Variants in SLC6A19 observed in about 807,000 individuals in gnomAD.
SLC6A19 encodes the protein solute carrier family 6 member 19.
In SLC6A19, 67 loss-of-function variants were observed where a neutral mutation model predicts 68.3. That is an observed-to-expected ratio of 0.98 (90% CI 0.81 to 1.20). SLC6A19 has a LOEUF of 1.20. SLC6A19 is among the 50% of genes most tolerant of loss of function. The pLI, the probability that SLC6A19 is intolerant of heterozygous loss-of-function variation, is 0.00. For missense variants in SLC6A19, 813 were observed against 851.6 expected, an observed-to-expected ratio of 0.95 and a Z score of 0.56; for synonymous variants, 392 against 374.9, an observed-to-expected ratio of 1.05 and a Z score of -0.53.
Position 1,216,925 on chromosome 5 carries a change from A to T in SLC6A19, c.1153A>T (p.Ile385Phe). ...GCAGCTGGTGTTCCAGACCTGCGACATCAACGCCTTCCTCTCAGAGGTAGG... is the reference window on the plus strand; with the variant it reads ...GCAGCTGGTGTTCCAGACCTGCGACTTCAACGCCTTCCTCTCAGAGGTAGG... ...YAQLVFQTCD[I>F]NAFLSEAVEG... Residue 385 changes from isoleucine (I) to phenylalanine (F), a missense_variant, in exon 8 of 12, where the codon ATC becomes TTC. Ile to Phe is a conservative substitution (Grantham distance 21). Coordinates refer to ENST00000304460, the MANE Select transcript of SLC6A19 (RefSeq NM_001003841.3). The T allele has an allele frequency of 6.2e-7, 1 of 1,613,192 alleles. No homozygotes were observed. Among genetic ancestry groups the T allele is most frequent in the Non-Finnish European group, 8.5e-7 (1 of 1,180,028 alleles).
At chr5:1,218,670 C>T (rs1030104785) in intron 8 of SLC6A19, among the ~76,000 whole-genome samples, 9 of 152,204 alleles carry the variant, frequency 5.9e-5, no homozygotes, top group Admixed American at 3.9e-4. Flanking sequence ...CGTCTGTGGG[C>T]GGAACGGGGC....
At position 1,222,808 on chromosome 5, in the gene SLC6A19, G is replaced by A. The variant is rs1746433613; in HGVS notation, c.*904G>A. 1.3e-5 allele frequency: 2 copies of A among 152,672 alleles called. No homozygotes were observed. Among genetic ancestry groups the A allele is most frequent in the Non-Finnish European group, 2.9e-5 (2 of 68,376 alleles). 9.5% of individuals were successfully genotyped at this position (152,672 alleles called of 1,614,324 possible). ...GTGTTTGTCCTTGCCACAGTCACGG[G>A]GTGCATGTGCAGAGGGGAGCAGACC... On this transcript the variant is annotated 3_prime_UTR_variant, in exon 12 of 12. Transcript: ENST00000304460.
At chr5:1,202,242 G>A (rs1286713288) in intron 1 of SLC6A19, among the ~76,000 whole-genome samples, 4 of 152,216 alleles carry the variant, frequency 2.6e-5, no homozygotes, top group South Asian at 2.1e-4. Flanking sequence ...CCCCACAGGC[G>A]GACACCTGCC....
At chr5:1,211,670 G>C (rs964151735) in intron 3 of SLC6A19, among the ~76,000 whole-genome samples, 4 of 152,054 alleles carry the variant, frequency 2.6e-5, no homozygotes, top group African/African-American at 9.7e-5. Flanking sequence ...GTGTGCACGT[G>C]AGCATGTGTG....
In SLC6A19 at chr5:1,212,197, G is replaced by A. The variant is rs1168983452; in HGVS notation, c.482-106G>A. 1.4e-6 allele frequency: 2 copies of A among 1,427,230 alleles called. No individual in the cohort carries two copies. The highest frequency in any genetic ancestry group is 2.3e-5 in the East Asian group (1 of 43,482). 88.4% of individuals were successfully genotyped at this position (1,427,230 alleles called of 1,614,324 possible). A position where few individuals can be genotyped will look rare whatever the true frequency, so the allele number is the denominator to read the frequency against. ...GTGCACGTGTGGGCGTGTCACTGGTGTCAAGGCCTCTGGAACGTGGCTGGC... is the reference window on the plus strand; with the variant it reads ...GTGCACGTGTGGGCGTGTCACTGGTATCAAGGCCTCTGGAACGTGGCTGGC... On this transcript the variant is annotated intron_variant, in intron 3 of 11. Transcript: ENST00000304460. This position sits in a 1 kb window ranked among gnomAD's most constrained non-coding sequence, Gnocchi z 5.1.
chr5:1,204,786 G>C (rs1174778838), intron 1 of SLC6A19, among the ~76,000 whole-genome samples: 3 of 152,252 alleles, frequency 2.0e-5, no homozygotes, highest in Non-Finnish European at 2.9e-5. Flanking sequence ...GCTGTTTCCA[G>C]CTGTCTCTTC....
rs758581709 is a variant in SLC6A19 at position 1,216,870 on chromosome 5, G to A, written c.1098G>A (p.Arg366=). The part of the protein sequence containing the change: ...TQENFVDMQQ[R]CNASDPAAYA... The stretch of plus-strand genomic sequence containing the variant: ...AGAACTTTGTGGACATGCAGCAGCG[G>A]TGCAACGCCTCCGACCCCGCGGCCT... Residue 366 remains arginine, a synonymous_variant, in exon 8 of 12, where the codon CGG becomes CGA. Transcript: ENST00000304460. 3.1e-6 allele frequency: 5 copies of A among 1,613,756 alleles called. No individual in the cohort carries two copies. The highest frequency in any genetic ancestry group is 4.2e-6 in the Non-Finnish European group (5 of 1,180,044).
In SLC6A19 at chr5:1,212,803, G is replaced by A. The variant is rs1425763268; in HGVS notation, c.663+319G>A. Among the ~76,000 whole-genome samples, 1 of 152,082 alleles carries A rather than the reference G, an allele frequency of 6.6e-6. No individual in the cohort carries two copies. The highest frequency in any genetic ancestry group is 2.4e-5 in the African/African-American group (1 of 41,370). On this transcript the variant is annotated intron_variant, in intron 4 of 11. Transcript: ENST00000304460. The surrounding 1 kb of genome is among the most constrained non-coding windows in gnomAD (Gnocchi z 5.1). ...GATGATGATGATGATGGTGATGATG[G>A]TGATGATAAAACAGGAAAGTGGAAA...
At chr5:1,202,028 C>CTA (rs1037403187) in intron 1 of SLC6A19, among the ~76,000 whole-genome samples, 176 bp downstream of exon 1, 3 of 152,214 alleles carry the variant, frequency 2.0e-5, no homozygotes, top group Non-Finnish European at 2.9e-5. Flanking sequence ...TGCCCGGTTC[C>CTA]TAGGCTGCTG....
In SLC6A19 at chr5:1,217,770, C is replaced by T. The variant is rs1328586394; in HGVS notation, c.1173+825C>T. Among the ~76,000 whole-genome samples the T allele has an allele frequency of 3.9e-5, 6 of 152,250 alleles. No individual in the cohort carries two copies. The East Asian group carries it at 7.7e-4, about 20-fold the overall frequency. Reference sequence around the variant, plus strand: ...AGTTATAATTATGCACCATGAAATTCGCCCACTTCCAGTGCCTTGCACAGC... The same window carrying T: ...AGTTATAATTATGCACCATGAAATTTGCCCACTTCCAGTGCCTTGCACAGC... On this transcript the variant is annotated intron_variant, in intron 8 of 11. Transcript: ENST00000304460.
intron 1 of SLC6A19, among the ~76,000 whole-genome samples, chr5:1,204,258 C>A (rs1433854316): frequency 6.6e-6 from 1 of 152,222 alleles, no homozygotes; most frequent in African/African-American, 2.4e-5. Flanking sequence ...CAGATTTTGC[C>A]CTCCTTGGAG....
rs1355685063 is a variant in SLC6A19, at chr5:1,212,650, G to C, written c.663+166G>C. Among the ~76,000 whole-genome samples, 1 of 152,120 alleles carries C rather than the reference G, an allele frequency of 6.6e-6. No homozygotes were observed. Among genetic ancestry groups the C allele is most frequent in the East Asian group, 1.9e-4 (1 of 5,178 alleles). On this transcript the variant is annotated intron_variant, in intron 4 of 11. Coordinates refer to ENST00000304460, the MANE Select transcript of SLC6A19 (RefSeq NM_001003841.3). The surrounding 1 kb of genome is among the most constrained non-coding windows in gnomAD (Gnocchi z 5.1). ...TTTGCCCTTAGGCTCACTGGCCTGGGCGGGAGGGGCCCTGCCTGCCCCAGG... is the reference window on the plus strand; with the variant it reads ...TTTGCCCTTAGGCTCACTGGCCTGGCCGGGAGGGGCCCTGCCTGCCCCAGG...
At chr5:1,207,445 G>A (rs527513238) in intron 1 of SLC6A19, among the ~76,000 whole-genome samples, 9 of 152,364 alleles carry the variant, frequency 5.9e-5, no homozygotes, top group South Asian at 2.1e-4. Flanking sequence ...GCTGGCTGCC[G>A]CTGAGCTCTG....
intron 1 of SLC6A19, among the ~76,000 whole-genome samples, chr5:1,207,026 C>T (rs577295482): frequency 9.8e-5 from 15 of 152,344 alleles, no homozygotes; most frequent in East Asian, 9.6e-4. Context: ...CTGGGGCAGG[C>T]GCGACGGGAG....
rs540444084 is a variant in SLC6A19 at position 1,222,513 on chromosome 5, A to T, written c.*609A>T. 2 of 414,360 alleles carry T rather than the reference A, an allele frequency of 4.8e-6. No homozygotes were observed. The highest frequency in any genetic ancestry group is 4.0e-5 in the African/African-American group (2 of 49,742). 25.7% of individuals were successfully genotyped at this position (414,360 alleles called of 1,614,324 possible). Reference sequence around the variant, plus strand: ...ACATGTATGCCTGTGTGACGTGTGTATATGTGAGCATGTGTACGTGTGTGT... The same window carrying T: ...ACATGTATGCCTGTGTGACGTGTGTTTATGTGAGCATGTGTACGTGTGTGT... On this transcript the variant is annotated 3_prime_UTR_variant, in exon 12 of 12. Transcript: ENST00000304460.
chr5:1,204,134 G>A (rs13160760), intron 1 of SLC6A19, among the ~76,000 whole-genome samples: 4,875 of 152,314 alleles, frequency 0.032, 123 homozygotes, highest in Non-Finnish European at 0.046. Context: ...CAAATCGAGG[G>A]GAAGCAGGCA....
Position 1,216,695 on chromosome 5 carries a change from C to G in SLC6A19, c.1016+9C>G. 1 of 1,613,762 alleles carries G rather than the reference C, an allele frequency of 6.2e-7. No homozygotes were observed. The highest frequency in any genetic ancestry group is 8.5e-7 in the Non-Finnish European group (1 of 1,180,034). On this transcript the variant is annotated intron_variant, in intron 7 of 11. Coordinates refer to ENST00000304460, the MANE Select transcript of SLC6A19 (RefSeq NM_001003841.3). ...GACGACTGCTTCAGCACGTGAGTGG[C>G]TGTCCCACCATCCTGGTGCCTTGGG... is the stretch of plus-strand genomic sequence containing the variant.
chr5:1,214,738 T>C lies in SLC6A19; in HGVS notation c.887+673T>C, dbSNP rs1295541930. On this transcript the variant is annotated intron_variant, in intron 6 of 11. Coordinates refer to ENST00000304460, the MANE Select transcript of SLC6A19 (RefSeq NM_001003841.3). The surrounding 1 kb of genome is among the most constrained non-coding windows in gnomAD (Gnocchi z 7.4). Reference sequence around the variant, plus strand: ...GGGGCTGGGGGTGAGGGAGGACTCCTAGGGGTCAGGGTGGCCCTCCAGGCT... The same window carrying C: ...GGGGCTGGGGGTGAGGGAGGACTCCCAGGGGTCAGGGTGGCCCTCCAGGCT... Among the ~76,000 whole-genome samples, 1 of 151,012 alleles carries C rather than the reference T, an allele frequency of 6.6e-6. No individual in the cohort carries two copies. The highest frequency in any genetic ancestry group is 1.9e-4 in the East Asian group (1 of 5,172).
At chr5:1,206,294 TTCTGTCTGTGTGTGTGTCTC>T (rs1431524167) in intron 1 of SLC6A19, among the ~76,000 whole-genome samples, 1 of 139,628 alleles carries the variant, frequency 7.2e-6, no homozygotes, top group African/African-American at 3.4e-5. Flanking sequence ...CTCTCTCTGT[TTCTGTCTGTGTGTGTGTCTC>T]TCTGTCTCTT....
Sources: gnomAD v4.1 joint callset for allele counts (sites outside exome capture counted in the v4.1 genomes callset) on GRCh38, gnomAD v4.1.1 for gene constraint, Gnocchi (gnomAD v3.1) non-coding constraint, MANE v1.5 for transcripts, NCBI Gene and HGNC (gene_info 2026-07-23, HGNC 2026-07-21) for gene names.